The following PRLR variants were observed in gnomAD, a reference collection of about 807,000 sequenced individuals.
PRLR encodes hPRL receptor.
Under a neutral mutation model 40.2 loss-of-function variants are expected in PRLR, and 13 were observed. That is an observed-to-expected ratio of 0.32 (90% CI 0.21 to 0.51). The LOEUF (loss-of-function observed/expected upper bound fraction) is 0.51, where lower values mean the gene tolerates loss of function less well. Ranked by LOEUF, PRLR falls within the 20% of genes least tolerant of loss-of-function variation. PRLR has a pLI of 0.97. For missense variants in PRLR, 656 were observed against 747.3 expected (o/e 0.88, Z 1.42); for synonymous variants, 269 against 278.7 (o/e 0.97, Z 0.35).
At chr5:35,054,543 C>A (rs780057370), downstream of PRLR, among the ~76,000 whole-genome samples, 1 of 152,128 alleles carries the variant, frequency 6.6e-6, no homozygotes, top group Non-Finnish European at 1.5e-5. Flanking sequence ...TGTACAATTA[C>A]AGCAGCTATA....
At chr5:35,156,972 A>G (rs1166284023) in intron 1 of PRLR, among the ~76,000 whole-genome samples, 1 of 152,024 alleles carries the variant, frequency 6.6e-6, no homozygotes, top group Non-Finnish European at 1.5e-5. Flanking sequence ...GTCTCGTTGC[A>G]TCCTTAATTT....
intron 2 of PRLR, among the ~76,000 whole-genome samples, chr5:35,116,613 T>C (rs1325785288): frequency 6.6e-6 from 1 of 152,160 alleles, no homozygotes; most frequent in Non-Finnish European, 1.5e-5. Context: ...TTCATTTGCC[T>C]TTCCTTCCAG....
At chr5:35,149,810 A>G (rs1262837016) in intron 1 of PRLR, among the ~76,000 whole-genome samples, 1 of 152,178 alleles carries the variant, frequency 6.6e-6, no homozygotes. Context: ...AATCGAGAGT[A>G]AGAGTGATTT....
chr5:35,084,742 C>A, intron 4 of PRLR, 103 bp from the exon 5 acceptor site: 3 of 1,134,764 alleles, frequency 2.6e-6, no homozygotes, highest in Non-Finnish European at 3.7e-6. Context: ...TCAGAAATTC[C>A]AAGCGCAAAA....
intron 2 of PRLR, among the ~76,000 whole-genome samples, chr5:35,099,618 G>T (rs1209635057): frequency 6.6e-6 from 1 of 152,196 alleles, no homozygotes; most frequent in African/African-American, 2.4e-5. Context: ...GTCATGAGCT[G>T]ACAGCTCCGT....
At chr5:35,120,847 C>T (rs538075150) in intron 1 of PRLR, among the ~76,000 whole-genome samples, 111 of 152,288 alleles carry the variant, frequency 7.3e-4, no homozygotes, top group Middle Eastern at 3.4e-3. Flanking sequence ...AGTTTTTCTT[C>T]AAGAGCCAAA....
intron 5 of PRLR, among the ~76,000 whole-genome samples, chr5:35,079,104 C>A (rs1307329492): frequency 6.6e-6 from 1 of 152,164 alleles, no homozygotes; most frequent in Non-Finnish European, 1.5e-5. Flanking sequence ...CAATATCATA[C>A]TGAATGGGCA....
chr5:35,166,799 A>G (rs1442944460), intron 1 of PRLR, among the ~76,000 whole-genome samples: 1 of 152,144 alleles, frequency 6.6e-6, no homozygotes, highest in Non-Finnish European at 1.5e-5. Flanking sequence ...AATAAGAGCA[A>G]CAGCTCATAT....
At chr5:35,191,276 T>C (rs969048489) in intron 1 of PRLR, among the ~76,000 whole-genome samples, 2 of 135,550 alleles carry the variant, frequency 1.5e-5, no homozygotes, top group African/African-American at 5.4e-5. Flanking sequence ...TTCACCGTTT[T>C]AGCCGGGATG....
chr5:35,139,325 G>A (rs1773947147), intron 1 of PRLR, among the ~76,000 whole-genome samples: 1 of 152,088 alleles, frequency 6.6e-6, no homozygotes, highest in Non-Finnish European at 1.5e-5. Flanking sequence ...AGTAGAGACA[G>A]GGTTTCACCA....
At chr5:35,113,526 TATCCATCC>T (rs112802870) in intron 2 of PRLR, among the ~76,000 whole-genome samples, 5 of 137,538 alleles carry the variant, frequency 3.6e-5, no homozygotes, top group South Asian at 2.5e-4. Context: ...TCCATTTATC[TATCCATCC>T]ATCCATCCAT....
intron 1 of PRLR, among the ~76,000 whole-genome samples, chr5:35,199,143 G>C (rs925523175): frequency 1.3e-5 from 2 of 151,086 alleles, no homozygotes; most frequent in Non-Finnish European, 3.0e-5. Flanking sequence ...CTCACCAGAA[G>C]GTTACAGAGG....
intron 1 of PRLR, 30 bp from the exon 2 acceptor site, chr5:35,118,152 C>A: frequency 1.0e-6 from 1 of 966,816 alleles, no homozygotes; most frequent in Non-Finnish European, 1.2e-6. Context: ...ATTTTAGCTC[C>A]AAGATGACAA....
In PRLR at chr5:35,201,771, G is replaced by A. The variant is rs1252555941; in HGVS notation, c.-106+28497C>T. Among the ~76,000 whole-genome samples, 3 of 151,946 alleles carry A rather than the reference G, an allele frequency of 2.0e-5. No homozygotes were observed. The East Asian group carries it at 5.8e-4, about 29-fold the overall frequency. On this transcript the variant is annotated intron_variant, in intron 1 of 9. Transcript: ENST00000618457. ...TCCCTTAATAGGGTGAGGCTGCTTG[G>A]TTCCAGATATCTGGTCTCAAATTCC... is the stretch of plus-strand genomic sequence containing the variant.
chr5:35,109,357 A>G (rs1772491516), intron 2 of PRLR, among the ~76,000 whole-genome samples: 1 of 152,204 alleles, frequency 6.6e-6, no homozygotes, highest in South Asian at 2.1e-4. Flanking sequence ...AAAAGCCAAA[A>G]TTGACAAATG....
intron 5 of PRLR, chr5:35,081,500 C>A (rs1175929465): frequency 5.8e-6 from 1 of 172,662 alleles, no homozygotes; most frequent in South Asian, 1.4e-4. Flanking sequence ...CGGAGGGCCC[C>A]TTCATAGGCT....
At chr5:35,160,091 T>C (rs1561340479) in intron 1 of PRLR, among the ~76,000 whole-genome samples, 1 of 152,220 alleles carries the variant, frequency 6.6e-6, no homozygotes, top group Non-Finnish European at 1.5e-5. Context: ...CTCAGATGTG[T>C]TACTCTATAA....
intron 2 of PRLR, among the ~76,000 whole-genome samples, chr5:35,095,702 A>AT (rs993443327): frequency 2.0e-5 from 3 of 152,096 alleles, no homozygotes; most frequent in African/African-American, 7.2e-5. Context: ...ATTCATTATT[A>AT]TTTTTTTATC....
intron 4 of PRLR, 72 bp downstream of exon 4, chr5:35,086,136 A>G: frequency 6.4e-7 from 1 of 1,570,526 alleles, no homozygotes; most frequent in South Asian, 1.2e-5. Context: ...GTCACTCAGA[A>G]CCAGTGTTTC....
Sources: allele counts gnomAD v4.1 joint callset (sites outside exome capture counted in the v4.1 genomes callset), GRCh38; gene constraint gnomAD v4.1.1; transcripts MANE v1.5; gene names NCBI Gene and HGNC (gene_info 2026-07-23, HGNC 2026-07-21).